PCCA: variants seen among roughly 807,000 people sequenced by gnomAD.
PCCA encodes propionyl-CoA carboxylase subunit alpha, also known as propionyl-CoA carboxylase alpha chain, mitochondrial.
Under a neutral mutation model 101.3 loss-of-function variants are expected in PCCA, and 74 were observed. That is an observed-to-expected ratio of 0.73 (90% CI 0.61 to 0.89). PCCA has a LOEUF of 0.89. PCCA is among the 40% of genes least tolerant of loss of function. The pLI, the probability that PCCA is intolerant of heterozygous loss-of-function variation, is 0.00. For synonymous variants in PCCA, 294 were observed against 313.6 expected (o/e 0.94, Z 0.66); for missense variants, 891 against 907.0 (o/e 0.98, Z 0.23).
At chr13:100,112,700 C>T (rs1020347475) in intron 4 of PCCA, among the ~76,000 whole-genome samples, 7 of 151,552 alleles carry the variant, frequency 4.6e-5, no homozygotes, top group South Asian at 2.1e-4. Flanking sequence ...CCTCAGCCTC[C>T]GGAGTAGCTG....
chr13:100,297,973 ATT>A (rs200402738), intron 12 of PCCA, among the ~76,000 whole-genome samples: 46 of 138,046 alleles, frequency 3.3e-4, no homozygotes, highest in Admixed American at 2.9e-4. Flanking sequence ...GTGAGTGTGA[ATT>A]TTTTTTTTTT....
intron 4 of PCCA, among the ~76,000 whole-genome samples, chr13:100,127,697 C>T (rs2050096605): frequency 1.3e-5 from 2 of 151,552 alleles, no homozygotes; most frequent in Middle Eastern, 6.8e-3. Flanking sequence ...TCGAGACCAT[C>T]CTGGCTAACA....
intron 4 of PCCA, among the ~76,000 whole-genome samples, chr13:100,132,053 T>C (rs1275598046): frequency 6.6e-6 from 1 of 152,146 alleles, no homozygotes; most frequent in Non-Finnish European, 1.5e-5. Flanking sequence ...AGAATAGAGC[T>C]TGGTAATTTC....
Position 100,203,692 on chromosome 13 carries a change from C to CA in PCCA, c.469-5632dup, listed in dbSNP as rs908913099. Among the ~76,000 whole-genome samples the CA allele has an allele frequency of 1.5e-4, 23 of 151,720 alleles. 1 individual carries two copies. The highest frequency in any genetic ancestry group is 1.4e-3 in the Admixed American group (22 of 15,240). On this transcript the variant is annotated intron_variant, in intron 6 of 23. Transcript: ENST00000376285. ...TGAGACTTCGTATCAAGACAAAAAACAAAAAAAATTATGTTGGATTTTACC... is the reference window on the plus strand; with the variant it reads ...TGAGACTTCGTATCAAGACAAAAAACAAAAAAAAATTATGTTGGATTTTACC...
At chr13:100,337,458 C>T (rs776356744) in intron 17 of PCCA, among the ~76,000 whole-genome samples, 4 of 152,190 alleles carry the variant, frequency 2.6e-5, no homozygotes, top group South Asian at 2.1e-4. Flanking sequence ...GGGGAACTTG[C>T]AGAAGTCAAG....
At chr13:100,298,578 G>A (rs1180407774) in intron 12 of PCCA, among the ~76,000 whole-genome samples, 1 of 124,556 alleles carries the variant, frequency 8.0e-6, no homozygotes, top group Non-Finnish European at 1.6e-5. Context: ...TTTTGATCAA[G>A]TTAACCATCT....
intron 19 of PCCA, among the ~76,000 whole-genome samples, chr13:100,414,486 T>G (rs934454728): frequency 3.3e-5 from 5 of 152,222 alleles, no homozygotes; most frequent in Non-Finnish European, 7.3e-5. Flanking sequence ...AAGAATCAAT[T>G]ATTATAAGAG....
intron 19 of PCCA, among the ~76,000 whole-genome samples, chr13:100,382,806 T>C (rs2076301226): frequency 6.6e-6 from 1 of 152,204 alleles, no homozygotes. Flanking sequence ...GATATCCATG[T>C]AAACAATCTG....
intron 11 of PCCA, among the ~76,000 whole-genome samples, chr13:100,271,513 A>G (rs1419937093): frequency 1.3e-5 from 2 of 152,168 alleles, no homozygotes; most frequent in African/African-American, 4.8e-5. Context: ...TTGAACCAAG[A>G]ATGTGAGAAA....
chr13:100,246,159 C>T (rs968437796), intron 8 of PCCA, among the ~76,000 whole-genome samples: 3 of 152,140 alleles, frequency 2.0e-5, no homozygotes, highest in Non-Finnish European at 4.4e-5. Flanking sequence ...GTTGACAATA[C>T]TTACAACAGT....
At chr13:100,458,428 CACACACACACA>C (rs2081942304) in intron 21 of PCCA, among the ~76,000 whole-genome samples, 1 of 88,352 alleles carries the variant, frequency 1.1e-5, no homozygotes, top group East Asian at 3.7e-4. Context: ...TGCGCGCACA[CACACACACACA>C]TACACACACA....
chr13:100,292,934 C>CGTGTGTGTGTGTGTGTGTGTGTGTGTGT (rs36098330), intron 12 of PCCA, among the ~76,000 whole-genome samples: 1 of 147,584 alleles, frequency 6.8e-6, no homozygotes, highest in African/African-American at 2.5e-5. Flanking sequence ...TTTCCAAATT[C>CGTGTGTGTGTGTGTGTGTGTGTGTGTGT]GTGTGTGTGT....
chr13:100,389,138 A>T (rs2076672558), intron 19 of PCCA, among the ~76,000 whole-genome samples: 1 of 152,112 alleles, frequency 6.6e-6, no homozygotes, highest in Admixed American at 6.5e-5. Context: ...GGTAACAGGG[A>T]GGGCAGGTGC....
chr13:100,430,369 A>G (rs1194756271), intron 20 of PCCA, among the ~76,000 whole-genome samples: 1 of 152,208 alleles, frequency 6.6e-6, no homozygotes, highest in Non-Finnish European at 1.5e-5. Flanking sequence ...GAACACCATT[A>G]TGAGTTTTAA....
At chr13:100,524,879 G>C (rs923537785) in intron 22 of PCCA, among the ~76,000 whole-genome samples, 2 of 152,050 alleles carry the variant, frequency 1.3e-5, no homozygotes, top group African/African-American at 4.8e-5. Flanking sequence ...CTCTAAGATA[G>C]ATAGATAGAT....
At chr13:100,304,929 T>C (rs2066337647) in intron 14 of PCCA, among the ~76,000 whole-genome samples, 1 of 152,210 alleles carries the variant, frequency 6.6e-6, no homozygotes, top group Non-Finnish European at 1.5e-5. Context: ...GATCATCATG[T>C]TTTGTAAATT....
chr13:100,425,186 T>C (rs1164275374), intron 19 of PCCA, among the ~76,000 whole-genome samples: 1 of 152,194 alleles, frequency 6.6e-6, no homozygotes, highest in East Asian at 1.9e-4. Flanking sequence ...TAATTAAAGC[T>C]TCTGTTTAAT....
chr13:100,481,976 G>A (rs780149615), intron 21 of PCCA, among the ~76,000 whole-genome samples: 52 of 152,238 alleles, frequency 3.4e-4, no homozygotes, highest in South Asian at 2.1e-3. Context: ...CAGAAACATC[G>A]TTGCTTTAAT....
chr13:100,122,315 A>T (rs557257949), intron 4 of PCCA, among the ~76,000 whole-genome samples: 1 of 152,154 alleles, frequency 6.6e-6, no homozygotes, highest in East Asian at 1.9e-4. Flanking sequence ...TTTTCTTATG[A>T]TGTCTTTGCT....
Sources: gnomAD v4.1 joint callset for allele counts (sites outside exome capture counted in the v4.1 genomes callset) on GRCh38, gnomAD v4.1.1 for gene constraint, MANE v1.5 for transcripts, NCBI Gene and HGNC (gene_info 2026-07-23, HGNC 2026-07-21) for gene names.